The following EXPH5 variants were observed in gnomAD, a reference collection of about 807,000 sequenced individuals.
EXPH5 encodes exophilin 5.
Under a neutral mutation model 41.1 loss-of-function variants are expected in EXPH5, and 42 were observed. The observed-to-expected ratio is 1.02, with a 90% CI of 0.80 to 1.32. EXPH5 has a LOEUF of 1.32. EXPH5 is among the 40% of genes most tolerant of loss of function. The probability of loss-of-function intolerance (pLI) is 0.00; values close to 1 mark genes in which losing one functional copy is unlikely to be tolerated. For missense variants in EXPH5, 2,298 were observed against 2,314.5 expected (o/e 0.99, Z 0.15); for synonymous variants, 798 against 833.5 (o/e 0.96, Z 0.73).
chr11:108,593,729 G>T lies in EXPH5; in HGVS notation c.-193C>A, dbSNP rs1165017249. 5 of 1,537,634 alleles carry T rather than the reference G, an allele frequency of 3.3e-6. No homozygotes were observed. Among genetic ancestry groups the T allele is most frequent in the Non-Finnish European group, 4.4e-6 (5 of 1,147,126 alleles). Reference sequence around the variant, plus strand: ...GGGCTCATATTGACAATACCTTAATGACATGTTTCTCTCAACCTGTCCAAC... The same window carrying T: ...GGGCTCATATTGACAATACCTTAATTACATGTTTCTCTCAACCTGTCCAAC... On this transcript the variant is annotated 5_prime_UTR_variant, in exon 1 of 6. The change creates a premature stop within an existing upstream ORF in the 5' untranslated region. Transcript: ENST00000265843.
chr11:108,509,490 A>G lies in EXPH5; in HGVS notation c.*47T>C, dbSNP rs370270504. On this transcript the variant is annotated 3_prime_UTR_variant, in exon 6 of 6. Transcript: ENST00000265843. ...ACATGCACATGTACACCTTAGTTCCATTATAAGCTTTTGGTGAAAAAAGTA... is the reference window on the plus strand; with the variant it reads ...ACATGCACATGTACACCTTAGTTCCGTTATAAGCTTTTGGTGAAAAAAGTA... 4.6e-6 allele frequency: 7 copies of G among 1,507,118 alleles called. No homozygotes were observed. Among genetic ancestry groups the G allele is most frequent in the African/African-American group, 4.2e-5 (3 of 71,462 alleles). 93.4% of individuals were successfully genotyped at this position (1,507,118 alleles called of 1,614,324 possible). A position where few individuals can be genotyped will look rare whatever the true frequency, so the allele number is the denominator to read the frequency against.
chr11:108,517,732 A>G (rs75116823), intron 5 of EXPH5, among the ~76,000 whole-genome samples: 259 of 152,208 alleles, frequency 1.7e-3, no homozygotes, highest in Non-Finnish European at 3.0e-3. Flanking sequence ...AACTTTGTAG[A>G]TGTATTTCCT....
chr11:108,555,216 C>A (rs1161585257), intron 1 of EXPH5, among the ~76,000 whole-genome samples: 1 of 152,172 alleles, frequency 6.6e-6, no homozygotes, highest in Non-Finnish European at 1.5e-5. Flanking sequence ...ATGGTTTAGG[C>A]CACATAATTG....
At chr11:108,536,115 A>T (rs1454264340) in intron 3 of EXPH5, among the ~76,000 whole-genome samples, 1 of 152,212 alleles carries the variant, frequency 6.6e-6, no homozygotes, top group East Asian at 1.9e-4. Flanking sequence ...CTAGGAATGT[A>T]TACATTAAAA....
In EXPH5 at chr11:108,580,822, G is replaced by A. The variant is rs570041798; in HGVS notation, c.119+12596C>T. 2.6e-5 allele frequency among the ~76,000 whole-genome samples: 4 copies of A among 152,248 alleles called. No individual in the cohort carries two copies. The South Asian group carries it at 6.2e-4, about 24-fold the overall frequency. ...AAGAACACAAAGCTAAACACCACAC[G>A]TTCTCACTCATAAGTGGAGGCTTAA... On this transcript the variant is annotated intron_variant, in intron 1 of 5. Transcript: ENST00000265843.
At chr11:108,549,166 A>T (rs1019476165) in intron 1 of EXPH5, among the ~76,000 whole-genome samples, 1 of 152,218 alleles carries the variant, frequency 6.6e-6, no homozygotes, top group African/African-American at 2.4e-5. Flanking sequence ...GCTTGACTCA[A>T]CATATCACAA....
At chr11:108,564,885 T>G (rs1014265820) in intron 1 of EXPH5, among the ~76,000 whole-genome samples, 2 of 150,616 alleles carry the variant, frequency 1.3e-5, no homozygotes, top group African/African-American at 4.9e-5. Flanking sequence ...ATTTATTATG[T>G]TTATTGGATA....
Position 108,511,471 on chromosome 11 carries a change from C to T in EXPH5, c.4036G>A (p.Glu1346Lys). 1 of 1,581,056 alleles carries T rather than the reference C, an allele frequency of 6.3e-7. No individual in the cohort carries two copies. Among genetic ancestry groups the T allele is most frequent in the Non-Finnish European group, 8.6e-7 (1 of 1,168,562 alleles). Residue 1346 changes from glutamate to lysine, a missense_variant, in exon 6 of 6, where the codon GAA (glutamate) becomes AAA (lysine). Glu to Lys is a moderately conservative substitution (Grantham distance 56, BLOSUM62 1). Transcript: ENST00000265843. ...NRGPLAPTLQ[E>K]MASVEAAVSL... ...ACAGCTGCCTCAACAGAAGCCATTT[C>T]CTGTAATGTAGGAGCTAGGGGCCCC...
At position 108,512,132 on chromosome 11, in the gene EXPH5, A is replaced by T. The variant is rs889595848; in HGVS notation, c.3375T>A (p.Cys1125Ter). The T allele has an allele frequency of 1.9e-6, 3 of 1,613,656 alleles. No individual in the cohort carries two copies. Among genetic ancestry groups the T allele is most frequent in the Non-Finnish European group, 2.5e-6 (3 of 1,179,898 alleles). The change falls in exon 6 of 6, where the codon TGT (cysteine) becomes TGA (stop). Residue 1125 changes from cysteine (C) to a stop codon, truncating the protein, a stop_gained. Transcript: ENST00000265843. LOFTEE classifies it low-confidence loss of function (END_TRUNC). ...LPFLINRAMS[C>*]PSGEPHASTG... is the part of the protein sequence containing the mutation. Reference sequence around the variant, plus strand: ...TTGAGGCATGTGGCTCCCCTGAGGGACATGACATAGCCCTGTTGATGAGGA... The same window carrying T: ...TTGAGGCATGTGGCTCCCCTGAGGGTCATGACATAGCCCTGTTGATGAGGA...
At chr11:108,549,436 C>T (rs2093953534) in intron 1 of EXPH5, among the ~76,000 whole-genome samples, 1 of 152,178 alleles carries the variant, frequency 6.6e-6, no homozygotes, top group Non-Finnish European at 1.5e-5. Flanking sequence ...AGTTATGACA[C>T]CCACCTCCCC....
intron 1 of EXPH5, among the ~76,000 whole-genome samples, chr11:108,572,572 T>C (rs2094064329): frequency 6.6e-6 from 1 of 152,198 alleles, no homozygotes; most frequent in Non-Finnish European, 1.5e-5. Context: ...GATTTATTTA[T>C]TTTGAGACAG....
intron 1 of EXPH5, among the ~76,000 whole-genome samples, chr11:108,590,266 A>G (rs1030014493): frequency 3.9e-5 from 6 of 152,040 alleles, no homozygotes; most frequent in African/African-American, 1.4e-4. Flanking sequence ...TCTCAAGGTT[A>G]CTTCAATTTT....
At chr11:108,545,943 A>G (rs756301039) in intron 1 of EXPH5, among the ~76,000 whole-genome samples, 14 of 151,952 alleles carry the variant, frequency 9.2e-5, no homozygotes, top group Non-Finnish European at 2.1e-4. Flanking sequence ...GAGAGCATAT[A>G]ACAAGGGGAC....
At position 108,512,861 on chromosome 11, in the gene EXPH5, A is replaced by T; in HGVS notation, c.2646T>A (p.Ala882=). The stretch of plus-strand genomic sequence containing the variant: ...TTGATGGTGAGGAATCTGGTAGTGC[A>T]GCTGATGACAGATCTAAAGAATCAC... ...TSCDSLDLSS[A]ALPDSSPSKN... The change falls in exon 6 of 6, where the codon GCT becomes GCA. Residue 882 remains alanine, a synonymous_variant. Transcript: ENST00000265843. The T allele has an allele frequency of 6.2e-7, 1 of 1,614,200 alleles. No homozygotes were observed. The highest frequency in any genetic ancestry group is 8.5e-7 in the Non-Finnish European group (1 of 1,179,994).
intron 1 of EXPH5, among the ~76,000 whole-genome samples, chr11:108,547,976 G>T (rs1463798756): frequency 2.0e-5 from 3 of 151,954 alleles, no homozygotes; most frequent in Non-Finnish European, 1.5e-5. Context: ...GGGCTTGGTG[G>T]CGGGTGCCTG....
In EXPH5 at chr11:108,553,453, C is replaced by A. The variant is rs79866987; in HGVS notation, c.120-11641G>T. On this transcript the variant is annotated intron_variant, in intron 1 of 5. Coordinates refer to ENST00000265843, the MANE Select transcript of EXPH5 (RefSeq NM_015065.3). ...TCAGACTTAGGGTTTAAGTGTCAGT[C>A]CCTCTTGTAGCTCATCAGAGCTCTT... 2.5e-4 allele frequency among the ~76,000 whole-genome samples: 38 copies of A among 152,296 alleles called. No homozygotes were observed. In the East Asian group the frequency reaches 6.6e-3, roughly 26 times the overall value.
intron 1 of EXPH5, among the ~76,000 whole-genome samples, chr11:108,555,245 T>G (rs2093984930): frequency 6.6e-6 from 1 of 152,244 alleles, no homozygotes; most frequent in Admixed American, 6.5e-5. Flanking sequence ...TTGCATGTAC[T>G]TTATTAAAAT....
intron 1 of EXPH5, among the ~76,000 whole-genome samples, chr11:108,556,338 T>C (rs1030017596): frequency 4.6e-5 from 7 of 152,148 alleles, no homozygotes; most frequent in African/African-American, 1.7e-4. Flanking sequence ...CCTGTTTTTG[T>C]TTTTTAAGTT....
chr11:108,549,878 A>T (rs1046946835), intron 1 of EXPH5, among the ~76,000 whole-genome samples: 1 of 152,234 alleles, frequency 6.6e-6, no homozygotes, highest in East Asian at 1.9e-4. Flanking sequence ...CTCCTTGGCA[A>T]TGTGACTTTT....
Sources: allele counts gnomAD v4.1 joint callset (sites outside exome capture counted in the v4.1 genomes callset), GRCh38; gene constraint gnomAD v4.1.1; transcripts MANE v1.5; gene names NCBI Gene and HGNC (gene_info 2026-07-23, HGNC 2026-07-21).